TTLL11: variants seen among roughly 807,000 people sequenced by gnomAD.
The protein encoded by TTLL11 is tubulin polyglutamylase TTLL11.
A neutral mutation model predicts 51.7 loss-of-function variants in TTLL11; 42 were observed. The ratio of observed to expected loss-of-function variants is 0.81; its 90% CI spans 0.64 to 1.05. The LOEUF (loss-of-function observed/expected upper bound fraction) is 1.05. Ranked by LOEUF, TTLL11 falls within the 50% of genes least tolerant of loss-of-function variation. The pLI, the probability that TTLL11 is intolerant of heterozygous loss-of-function variation, is 0.00. For synonymous variants in TTLL11, 381 were observed against 383.5 expected (o/e 0.99, Z 0.08); for missense variants, 799 against 940.4 (o/e 0.85, Z 1.97).
At chr9:121,909,721 T>G (rs1238964929) in intron 6 of TTLL11, among the ~76,000 whole-genome samples, 2 of 152,130 alleles carry the variant, frequency 1.3e-5, no homozygotes, top group African/African-American at 4.8e-5. Flanking sequence ...CACAGACAGC[T>G]CACTCAGTGC....
At chr9:122,047,792 G>C (rs1189977446) in intron 1 of TTLL11, among the ~76,000 whole-genome samples, 1 of 152,086 alleles carries the variant, frequency 6.6e-6, no homozygotes, top group Non-Finnish European at 1.5e-5. Flanking sequence ...TATTTCATGT[G>C]TAATCCTTAT....
intron 6 of TTLL11, among the ~76,000 whole-genome samples, chr9:121,892,191 TATATAC>T (rs927014362): frequency 3.0e-4 from 11 of 36,806 alleles, no homozygotes; most frequent in South Asian, 1.2e-3. Context: ...CACACACATA[TATATAC>T]ATATATACAT....
At chr9:121,899,402 T>TATATGTATATATATAC (rs1465376759) in intron 6 of TTLL11, among the ~76,000 whole-genome samples, 1 of 82,752 alleles carries the variant, frequency 1.2e-5, no homozygotes, top group Admixed American at 1.4e-4. Context: ...TATATATATA[T>TATATGTATATATATAC]ACACACACAC....
intron 2 of TTLL11, among the ~76,000 whole-genome samples, chr9:122,037,511 T>C (rs1336973571): frequency 1.3e-5 from 2 of 152,202 alleles, no homozygotes; most frequent in African/African-American, 4.8e-5. Flanking sequence ...ATTTGGTAAA[T>C]TGCATAGATA....
chr9:121,832,977 G>C (rs985138581), intron 8 of TTLL11, among the ~76,000 whole-genome samples: 3 of 151,690 alleles, frequency 2.0e-5, no homozygotes, highest in African/African-American at 7.3e-5. Flanking sequence ...CAAAAACTGG[G>C]GGGGAGTTTT....
At chr9:122,014,767 A>G (rs1333636531) in intron 3 of TTLL11, among the ~76,000 whole-genome samples, 3 of 152,178 alleles carry the variant, frequency 2.0e-5, no homozygotes. Flanking sequence ...AACCCTCTGA[A>G]TCTCAGCTTC....
chr9:121,966,940 G>T (rs1842415680), intron 6 of TTLL11, among the ~76,000 whole-genome samples: 1 of 152,136 alleles, frequency 6.6e-6, no homozygotes, highest in African/African-American at 2.4e-5. Context: ...TTGACCACTT[G>T]GTGACCCTAA....
At chr9:121,859,609 C>A (rs890579449) in intron 8 of TTLL11, among the ~76,000 whole-genome samples, 1 of 152,206 alleles carries the variant, frequency 6.6e-6, no homozygotes, top group Non-Finnish European at 1.5e-5. Flanking sequence ...GAACCCTTCA[C>A]CACAGAACCT....
chr9:122,015,584 G>A (rs1421524830), intron 3 of TTLL11, among the ~76,000 whole-genome samples: 1 of 152,136 alleles, frequency 6.6e-6, no homozygotes, highest in Admixed American at 6.5e-5. Context: ...TTACTTCCCA[G>A]GCTTACTGCA....
At chr9:122,013,812 T>TG (rs2131756438) in intron 3 of TTLL11, among the ~76,000 whole-genome samples, 1 of 152,332 alleles carries the variant, frequency 6.6e-6, no homozygotes, top group East Asian at 1.9e-4. Flanking sequence ...AAGATGATGA[T>TG]GGATTACATA....
At chr9:121,874,294 C>A (rs909311692) in intron 6 of TTLL11, among the ~76,000 whole-genome samples, 1 of 152,200 alleles carries the variant, frequency 6.6e-6, no homozygotes, top group Non-Finnish European at 1.5e-5. Flanking sequence ...CCTCTGCACC[C>A]GACCCACCAC....
At chr9:121,967,087 T>C (rs1842418286) in intron 6 of TTLL11, among the ~76,000 whole-genome samples, 1 of 152,130 alleles carries the variant, frequency 6.6e-6, no homozygotes, top group African/African-American at 2.4e-5. Context: ...AAAGTGACTT[T>C]ACCACCAAGC....
intron 8 of TTLL11, among the ~76,000 whole-genome samples, chr9:121,839,367 G>C (rs2131353318): frequency 6.6e-6 from 1 of 152,288 alleles, no homozygotes; most frequent in South Asian, 2.1e-4. Context: ...ATCCAGGCTT[G>C]ATATCAGACA....
intron 8 of TTLL11, among the ~76,000 whole-genome samples, chr9:121,830,618 T>C (rs560651610): frequency 3.9e-5 from 6 of 152,230 alleles, no homozygotes; most frequent in East Asian, 1.9e-4. Flanking sequence ...TGAAAAGCCA[T>C]GGAATGGTTC....
At chr9:122,071,931 T>C (rs1429176860) in intron 1 of TTLL11, among the ~76,000 whole-genome samples, 3 of 152,138 alleles carry the variant, frequency 2.0e-5, no homozygotes, top group Admixed American at 2.0e-4. Flanking sequence ...GAGGAAGCAA[T>C]GCTCTCTGCC....
chr9:122,031,068 G>A (rs56310842), intron 3 of TTLL11, among the ~76,000 whole-genome samples: 6,649 of 152,292 alleles, frequency 0.044, 174 homozygotes, highest in African/African-American at 0.073. Flanking sequence ...AGTCACCCCA[G>A]AGTTATGGGA....
At chr9:121,918,915 G>T (rs1004794809) in intron 6 of TTLL11, among the ~76,000 whole-genome samples, 1 of 152,208 alleles carries the variant, frequency 6.6e-6, no homozygotes, top group African/African-American at 2.4e-5. Flanking sequence ...TCAAAAACAC[G>T]CCAAGTAACA....
At position 121,868,287 on chromosome 9, in the gene TTLL11, G is replaced by A. The variant is rs1838242403; in HGVS notation, c.1733+2210C>T. On this transcript the variant is annotated intron_variant, in intron 7 of 8. Transcript: ENST00000321582. ...TGCTTTCTTATGTTACAAGGTCCAG[G>A]AATCACAAAGGGGCAGAGCCTGCCT... 3.3e-5 allele frequency among the ~76,000 whole-genome samples: 5 copies of A among 152,242 alleles called. 1 individual carries two copies. In the South Asian group the frequency reaches 8.3e-4, roughly 25 times the overall value.
intron 2 of TTLL11, among the ~76,000 whole-genome samples, chr9:122,036,539 C>T (rs1844709261): frequency 6.6e-6 from 1 of 151,720 alleles, no homozygotes; most frequent in Non-Finnish European, 1.5e-5. Flanking sequence ...AATTCATCAG[C>T]CAAAATATAA....
Sources: gnomAD v4.1 joint callset for allele counts (sites outside exome capture counted in the v4.1 genomes callset) on GRCh38, gnomAD v4.1.1 for gene constraint, MANE v1.5 for transcripts, NCBI Gene and HGNC (gene_info 2026-07-23, HGNC 2026-07-21) for gene names.